The following ANTXR2 variants were observed in gnomAD, a reference collection of about 807,000 sequenced individuals.
ANTXR2 encodes the protein ANTXR cell adhesion molecule 2.
In ANTXR2, 44 loss-of-function variants were observed where a neutral mutation model predicts 73.7. That is an observed-to-expected ratio of 0.60 (90% confidence interval 0.47 to 0.77). The LOEUF (loss-of-function observed/expected upper bound fraction) is 0.77. Among genes scored for constraint, ANTXR2 ranks in the 30% least tolerant of loss-of-function variants. The probability of loss-of-function intolerance (pLI) is 0.00; values close to 1 mark genes in which losing one functional copy is unlikely to be tolerated. For missense variants in ANTXR2, 604 were observed against 592.5 expected, an observed-to-expected ratio of 1.02 and a Z score of -0.20; for synonymous variants, 217 against 205.9, an observed-to-expected ratio of 1.05 and a Z score of -0.46.
At chr4:79,929,723 T>C (rs993531630) in intron 16 of ANTXR2, among the ~76,000 whole-genome samples, 4 of 99,576 alleles carry the variant, frequency 4.0e-5, no homozygotes, top group African/African-American at 1.1e-4. Flanking sequence ...CAAACTGATA[T>C]ATATGCAAAT....
chr4:79,986,270 A>C (rs1730157555), intron 12 of ANTXR2, among the ~76,000 whole-genome samples: 1 of 152,218 alleles, frequency 6.6e-6, no homozygotes, highest in South Asian at 2.1e-4. Flanking sequence ...CTAAGAGGGA[A>C]AACTGAAAAT....
At chr4:80,022,358 C>T (rs1422927930) in intron 10 of ANTXR2, among the ~76,000 whole-genome samples, 3 of 152,130 alleles carry the variant, frequency 2.0e-5, no homozygotes, top group Non-Finnish European at 4.4e-5. Flanking sequence ...ATGAAAAACA[C>T]AGTTACATCT....
intron 12 of ANTXR2, among the ~76,000 whole-genome samples, chr4:80,007,938 G>A (rs1273317576): frequency 2.0e-5 from 3 of 152,140 alleles, no homozygotes; most frequent in Non-Finnish European, 2.9e-5. Context: ...TGTTACAGCA[G>A]CAATAGATAA....
intron 12 of ANTXR2, among the ~76,000 whole-genome samples, chr4:80,000,518 A>C (rs2110043973): frequency 6.6e-6 from 1 of 152,236 alleles, no homozygotes; most frequent in South Asian, 2.1e-4. Flanking sequence ...TGATAGGTAG[A>C]ATACACACAG....
At position 79,933,731 on chromosome 4, in the gene ANTXR2, G is replaced by GTTT. The variant is rs201263531; in HGVS notation, c.1429-26267_1429-26265dup. Among the ~76,000 whole-genome samples the GTTT allele has an allele frequency of 4.0e-3, 168 of 41,928 alleles. No individual in the cohort carries two copies. The East Asian group carries it at 0.1, about 26-fold the overall frequency. 27.5% of individuals were successfully genotyped at this position (41,928 alleles called of 152,430 possible). A position where few individuals can be genotyped will look rare whatever the true frequency, so the allele number is the denominator to read the frequency against. On this transcript the variant is annotated intron_variant, in intron 16 of 16. Transcript: ENST00000403729. ...CCCACCCCACAACAGGCCCTGGTGTGTTTGTTTTTTTTTTTTTTTTTGAGA... is the reference window on the plus strand; with the variant it reads ...CCCACCCCACAACAGGCCCTGGTGTGTTTTTTGTTTTTTTTTTTTTTTTTGAGA...
At chr4:80,030,501 C>G (rs1487623327) in intron 10 of ANTXR2, among the ~76,000 whole-genome samples, 2 of 151,956 alleles carry the variant, frequency 1.3e-5, no homozygotes, top group Non-Finnish European at 2.9e-5. Flanking sequence ...TTAATTTAGC[C>G]ACAGGCATGT....
At chr4:79,964,751 T>C (rs1474700499) in intron 16 of ANTXR2, 1 of 152,214 alleles carries the variant, frequency 6.6e-6, no homozygotes, top group Non-Finnish European at 1.5e-5. Context: ...ATCCGGCCGC[T>C]AGCTGCGGGA....
intron 16 of ANTXR2, among the ~76,000 whole-genome samples, chr4:79,953,929 C>A (rs968595801): frequency 3.9e-5 from 6 of 151,960 alleles, no homozygotes; most frequent in Admixed American, 3.3e-4. Context: ...ATATGTTGGC[C>A]TTTTCAATTT....
chr4:80,012,317 G>C (rs984656137), intron 11 of ANTXR2, among the ~76,000 whole-genome samples: 2 of 151,402 alleles, frequency 1.3e-5, no homozygotes, highest in Non-Finnish European at 2.9e-5. Context: ...AATCTATTTG[G>C]TAAGACCCCA....
intron 7 of ANTXR2, among the ~76,000 whole-genome samples, chr4:80,041,057 C>T (rs565494232): frequency 6.6e-6 from 1 of 152,136 alleles, no homozygotes; most frequent in East Asian, 1.9e-4. Flanking sequence ...AGCAACTATG[C>T]TAAGTGCTTT....
chr4:80,035,122 T>C (rs1732895723), intron 8 of ANTXR2, among the ~76,000 whole-genome samples: 2 of 152,058 alleles, frequency 1.3e-5, no homozygotes, highest in Admixed American at 1.3e-4. Flanking sequence ...AAAATTGGAG[T>C]TTAATAAACA....
Position 79,936,163 on chromosome 4 carries a change from G to T in ANTXR2, c.1429-28696C>A, listed in dbSNP as rs1009388326. ...TTACTACACATTATTTTTACTATCA[G>T]TACAATACCACTTTTTAAAAGGGTT... On this transcript the variant is annotated intron_variant, in intron 16 of 16. Coordinates refer to ENST00000403729, the MANE Select transcript of ANTXR2 (RefSeq NM_058172.6). 1.3e-5 allele frequency among the ~76,000 whole-genome samples: 2 copies of T among 152,096 alleles called. 1 individual carries two copies. Among genetic ancestry groups the T allele is most frequent in the Admixed American group, 1.3e-4 (2 of 15,268 alleles).
intron 9 of ANTXR2, among the ~76,000 whole-genome samples, chr4:80,032,695 C>T (rs1732753272): frequency 6.6e-6 from 1 of 151,484 alleles, no homozygotes; most frequent in Non-Finnish European, 1.5e-5. Flanking sequence ...ATCTGCTTTA[C>T]AATATAAATT....
At chr4:79,996,603 A>G (rs1223773979) in intron 12 of ANTXR2, among the ~76,000 whole-genome samples, 1 of 151,936 alleles carries the variant, frequency 6.6e-6, no homozygotes, top group Admixed American at 6.6e-5. Flanking sequence ...GGGTGAAAAT[A>G]ATCTGAAGCC....
intron 10 of ANTXR2, among the ~76,000 whole-genome samples, chr4:80,027,932 G>A (rs766061924): frequency 2.6e-5 from 4 of 152,100 alleles, no homozygotes; most frequent in Non-Finnish European, 4.4e-5. Context: ...ATCAGAGAAT[G>A]CATCCTATTC....
At chr4:79,977,599 C>T in intron 16 of ANTXR2, 22 bp downstream of exon 16, 1 of 1,561,238 alleles carries the variant, frequency 6.4e-7, no homozygotes, top group Non-Finnish European at 8.7e-7. Context: ...AGCTCTTTCT[C>T]AATACATTCC....
chr4:79,913,850 C>G (rs1727243762), intron 16 of ANTXR2, among the ~76,000 whole-genome samples: 1 of 152,140 alleles, frequency 6.6e-6, no homozygotes, highest in South Asian at 2.1e-4. Context: ...GCCTCTCAAA[C>G]CTAATGCTCC....
At chr4:79,959,918 A>C (rs1261939462) in intron 16 of ANTXR2, among the ~76,000 whole-genome samples, 1 of 152,258 alleles carries the variant, frequency 6.6e-6, no homozygotes, top group Non-Finnish European at 1.5e-5. Context: ...AATCAATGTT[A>C]GGAAGTCAGA....
intron 10 of ANTXR2, among the ~76,000 whole-genome samples, chr4:80,022,810 G>A (rs1049540977): frequency 6.6e-6 from 1 of 152,072 alleles, no homozygotes; most frequent in African/African-American, 2.4e-5. Context: ...ATTGAAAAAG[G>A]GCATTTGGGC....
Sources: allele counts gnomAD v4.1 joint callset (sites outside exome capture counted in the v4.1 genomes callset), GRCh38; gene constraint gnomAD v4.1.1; transcripts MANE v1.5; gene names NCBI Gene and HGNC (gene_info 2026-07-23, HGNC 2026-07-21).